CDH12: variants seen among roughly 807,000 people sequenced by gnomAD.
CDH12 encodes cadherin 12, also known as cadherin-12.
In CDH12, 41 loss-of-function variants were observed where a neutral mutation model predicts 74.1. The observed-to-expected ratio is 0.55, with a 90% CI of 0.43 to 0.72. The LOEUF (loss-of-function observed/expected upper bound fraction) is 0.72, where lower values mean the gene tolerates loss of function less well. Ranked by LOEUF, CDH12 falls within the 30% of genes least tolerant of loss-of-function variation. CDH12 has a pLI of 0.00. For missense variants in CDH12, 945 were observed against 977.2 expected, an observed-to-expected ratio of 0.97 and a Z score of 0.44; for synonymous variants, 399 against 355.0, an observed-to-expected ratio of 1.12 and a Z score of -1.39.
intron 1 of CDH12, among the ~76,000 whole-genome samples, chr5:22,821,095 A>C (rs1749675433): frequency 6.6e-6 from 1 of 152,294 alleles, no homozygotes; most frequent in South Asian, 2.1e-4. Flanking sequence ...CAAATCAATA[A>C]ATGTAATCCA....
intron 1 of CDH12, among the ~76,000 whole-genome samples, chr5:22,631,535 C>T (rs889610591): frequency 5.3e-5 from 8 of 152,122 alleles, no homozygotes; most frequent in African/African-American, 1.4e-4. Flanking sequence ...GGTGCAGGGA[C>T]AGAAACCCAA....
intron 1 of CDH12, among the ~76,000 whole-genome samples, chr5:22,675,110 A>G (rs1741094457): frequency 6.6e-6 from 1 of 152,146 alleles, no homozygotes; most frequent in Non-Finnish European, 1.5e-5. Flanking sequence ...GGTTATGTTA[A>G]CAGAAGAGAC....
intron 4 of CDH12, among the ~76,000 whole-genome samples, chr5:22,086,845 C>A (rs766545623): frequency 1.6e-4 from 25 of 152,114 alleles, no homozygotes; most frequent in Non-Finnish European, 2.5e-4. Flanking sequence ...AAATCGATCA[C>A]ATCTTTATTT....
At chr5:22,250,331 C>T (rs1753094656) in intron 3 of CDH12, among the ~76,000 whole-genome samples, 1 of 152,100 alleles carries the variant, frequency 6.6e-6, no homozygotes, top group African/African-American at 2.4e-5. Flanking sequence ...CTGCTCCATT[C>T]AGCATTAGCA....
intron 1 of CDH12, among the ~76,000 whole-genome samples, chr5:22,536,030 G>A (rs1737828086): frequency 6.6e-6 from 1 of 152,136 alleles, no homozygotes; most frequent in Non-Finnish European, 1.5e-5. Context: ...AAAGTATATG[G>A]GAGGATGTGT....
intron 5 of CDH12, among the ~76,000 whole-genome samples, chr5:22,017,737 T>C (rs1737689078): frequency 6.6e-6 from 1 of 151,470 alleles, no homozygotes; most frequent in South Asian, 2.1e-4. Flanking sequence ...TTAATTTTTC[T>C]ACTAAAATAC....
At chr5:21,880,594 T>TC (rs1457157247) in intron 6 of CDH12, among the ~76,000 whole-genome samples, 20 of 59,500 alleles carry the variant, frequency 3.4e-4, no homozygotes, top group East Asian at 2.2e-3. Context: ...CTTCCTTCCT[T>TC]CCTTCCTTCC....
chr5:22,180,502 A>AT (rs1026172570), intron 4 of CDH12, among the ~76,000 whole-genome samples: 17 of 144,476 alleles, frequency 1.2e-4, no homozygotes, highest in Non-Finnish European at 2.3e-4. Context: ...TTTTTTGTTT[A>AT]TTTTTTTATT....
At chr5:21,943,662 G>A (rs1386253088) in intron 6 of CDH12, among the ~76,000 whole-genome samples, 2 of 152,132 alleles carry the variant, frequency 1.3e-5, no homozygotes, top group Admixed American at 1.3e-4. Context: ...GAATTAAAGA[G>A]ATAGAAAATG....
intron 5 of CDH12, among the ~76,000 whole-genome samples, chr5:22,027,402 C>T (rs1738440516): frequency 6.6e-6 from 1 of 152,092 alleles, no homozygotes; most frequent in Admixed American, 6.6e-5. Context: ...CCAGTTCCTC[C>T]TTGTACCTCT....
At chr5:22,330,644 G>A (rs573490769) in intron 3 of CDH12, among the ~76,000 whole-genome samples, 3 of 151,534 alleles carry the variant, frequency 2.0e-5, no homozygotes, top group Non-Finnish European at 4.4e-5. Context: ...CCAGCTACTC[G>A]GGAGGCTGAG....
chr5:21,953,547 C>T (rs2547566), intron 6 of CDH12, among the ~76,000 whole-genome samples: 1 of 152,114 alleles, frequency 6.6e-6, no homozygotes, highest in Non-Finnish European at 1.5e-5. Flanking sequence ...ATACTCTTTA[C>T]AAATCATGGT....
At chr5:22,383,330 C>T (rs1273825293) in intron 3 of CDH12, among the ~76,000 whole-genome samples, 1 of 152,074 alleles carries the variant, frequency 6.6e-6, no homozygotes, top group Non-Finnish European at 1.5e-5. Flanking sequence ...GTCCAATGGG[C>T]TACATAGAAT....
chr5:22,643,418 C>A (rs1053342983), intron 1 of CDH12, among the ~76,000 whole-genome samples: 6 of 152,094 alleles, frequency 3.9e-5, no homozygotes, highest in East Asian at 3.9e-4. Flanking sequence ...AATAAAATAG[C>A]TCATATGAAG....
chr5:21,826,930 A>G (rs1748705521), intron 8 of CDH12, among the ~76,000 whole-genome samples: 2 of 152,172 alleles, frequency 1.3e-5, no homozygotes, highest in African/African-American at 4.8e-5. Context: ...AAAAACAGGT[A>G]TGAGCCCTAA....
chr5:21,825,950 A>C (rs2149959005), intron 8 of CDH12, among the ~76,000 whole-genome samples: 1 of 152,242 alleles, frequency 6.6e-6, no homozygotes. Context: ...ACAGTTTTTT[A>C]AATGCTTTAG....
intron 1 of CDH12, among the ~76,000 whole-genome samples, chr5:22,719,392 C>G (rs1478679509): frequency 6.6e-6 from 1 of 152,128 alleles, no homozygotes; most frequent in Non-Finnish European, 1.5e-5. Context: ...TGGTAGAACC[C>G]TTCAACATTC....
rs77792376 is a variant in CDH12 at position 22,319,465 on chromosome 5, T to C, written c.-333+85792A>G. Among the ~76,000 whole-genome samples, 170 of 152,264 alleles carry C rather than the reference T, an allele frequency of 1.1e-3. 1 individual carries two copies. Among genetic ancestry groups the C allele is most frequent in the African/African-American group, 3.9e-3 (163 of 41,568 alleles). On this transcript the variant is annotated intron_variant, in intron 3 of 14. Transcript: ENST00000382254. Reference sequence around the variant, plus strand: ...GCACAGTACGGAAATTTAGGGTTTGTCTATGTGGAAAGGCAAACTTCTTTG... The same window carrying C: ...GCACAGTACGGAAATTTAGGGTTTGCCTATGTGGAAAGGCAAACTTCTTTG...
At chr5:22,430,037 G>T (rs1177722197) in intron 2 of CDH12, among the ~76,000 whole-genome samples, 2 of 152,068 alleles carry the variant, frequency 1.3e-5, no homozygotes, top group East Asian at 3.9e-4. Flanking sequence ...ACTACCATTT[G>T]CATGATCAAG....
Sources: allele counts gnomAD v4.1 joint callset (sites outside exome capture counted in the v4.1 genomes callset), GRCh38; gene constraint gnomAD v4.1.1; transcripts MANE v1.5; gene names NCBI Gene and HGNC (gene_info 2026-07-23, HGNC 2026-07-21).